MYH9: variants seen among roughly 807,000 people sequenced by gnomAD.
The protein encoded by MYH9 is myosin heavy chain 9, also known as myosin-9.
MYH9 carries 29 observed loss-of-function variants against 241.9 expected under a neutral mutation model. The observed-to-expected ratio is 0.12, with a 90% CI of 0.09 to 0.16. The LOEUF (loss-of-function observed/expected upper bound fraction) is 0.16, where lower values mean the gene tolerates loss of function less well. MYH9 is among the 10% of genes least tolerant of loss of function. The pLI, the probability that MYH9 is intolerant of heterozygous loss-of-function variation, is 1.00. For missense variants in MYH9, 1,803 were observed against 2,595.5 expected (o/e 0.69, Z 6.63); for synonymous variants, 1,047 against 1,062.6 (o/e 0.99, Z 0.29).
At chr22:36,340,787 G>A (rs1360751369) in intron 3 of MYH9, among the ~76,000 whole-genome samples, 2 of 152,164 alleles carry the variant, frequency 1.3e-5, no homozygotes, top group African/African-American at 4.8e-5. Flanking sequence ...GACCTCTGTT[G>A]GCCAGTCTGG....
intron 2 of MYH9, among the ~76,000 whole-genome samples, chr22:36,346,959 T>C (rs1010287652): frequency 6.6e-6 from 1 of 152,178 alleles, no homozygotes; most frequent in African/African-American, 2.4e-5. Flanking sequence ...TTTTGAGGAC[T>C]GTTTTATTCA....
intron 34 of MYH9, among the ~76,000 whole-genome samples, chr22:36,287,153 T>C (rs1284779518): frequency 1.3e-5 from 2 of 152,212 alleles, no homozygotes; most frequent in African/African-American, 4.8e-5. Context: ...AATGCGCACC[T>C]GCCACTCAAA....
At position 36,294,284 on chromosome 22, in the gene MYH9, G is replaced by C. The variant is rs377686629; in HGVS notation, c.3645C>G (p.Leu1215=). 2.5e-6 allele frequency: 4 copies of C among 1,613,896 alleles called. No individual in the cohort carries two copies. The highest frequency in any genetic ancestry group is 1.1e-5 in the South Asian group (1 of 91,090). Residue 1215 remains leucine (L), a synonymous_variant, in exon 28 of 41, where the codon CTC becomes CTG. Transcript: ENST00000216181. ...TCTCCAGAGTCTGCTTTGCCTTCTCGAGGTTTGCTTTCACCTAGCAGGGAA... is the reference window on the plus strand; with the variant it reads ...TCTCCAGAGTCTGCTTTGCCTTCTCCAGGTTTGCTTTCACCTAGCAGGGAA... ...LEQTKRVKAN[L]EKAKQTLENE...
intron 14 of MYH9, among the ~76,000 whole-genome samples, chr22:36,310,161 TA>T (rs1355086632): frequency 6.7e-6 from 1 of 149,446 alleles, no homozygotes; most frequent in Non-Finnish European, 1.5e-5. Flanking sequence ...TCTCAGCCCC[TA>T]GGGGGGCTGA....
intron 1 of MYH9, among the ~76,000 whole-genome samples, chr22:36,374,964 G>C (rs569032591): frequency 6.6e-6 from 1 of 152,234 alleles, no homozygotes; most frequent in Admixed American, 6.5e-5. Flanking sequence ...CCTCCTCCAG[G>C]AAGCCTTCTC....
intron 1 of MYH9, among the ~76,000 whole-genome samples, chr22:36,357,440 G>A (rs1331969932): frequency 1.3e-5 from 2 of 152,170 alleles, no homozygotes; most frequent in African/African-American, 4.8e-5. Flanking sequence ...GGGCTGTCCT[G>A]TGCCACGTGG....
chr22:36,293,385 C>T lies in MYH9; in HGVS notation c.4039G>A (p.Glu1347Lys), dbSNP rs765101192. The part of the protein sequence containing the change: ...EKNSFREQLE[E>K]EEEAKHNLEK... ...AGGTTGTGCTTGGCCTCCTCCTCCT[C>T]CTCCAGCTGCTCCCGGAAGGAATTC... The change falls in exon 30 of 41, where the codon GAG becomes AAG. Residue 1347 changes from glutamate to lysine, a missense_variant. Coordinates refer to ENST00000216181, the MANE Select transcript of MYH9 (RefSeq NM_002473.6). The surrounding 1 kb of genome is among the most constrained non-coding windows in gnomAD (Gnocchi z 5.1). 6.2e-7 allele frequency: 1 copy of T among 1,614,108 alleles called. No homozygotes were observed. Among genetic ancestry groups the T allele is most frequent in the Non-Finnish European group, 8.5e-7 (1 of 1,180,046 alleles).
chr22:36,349,622 C>T (rs1238848062), intron 1 of MYH9, among the ~76,000 whole-genome samples: 2 of 152,056 alleles, frequency 1.3e-5, no homozygotes, highest in East Asian at 1.9e-4. Flanking sequence ...CCTAGCTACT[C>T]GGGAGGCTGA....
At position 36,300,490 on chromosome 22, in the gene MYH9, A is replaced by C. The variant is rs2016859450; in HGVS notation, c.2839-226T>G. On this transcript the variant is annotated intron_variant, in intron 22 of 40. Transcript: ENST00000216181. The surrounding 1 kb of genome is among the most constrained non-coding windows in gnomAD (Gnocchi z 5.0). ...GATTCCAGATTTCAAACTGGGACAC[A>C]GGGCCAGAACATCGGTGCAATGTTC... 6.6e-6 allele frequency among the ~76,000 whole-genome samples: 1 copy of C among 152,238 alleles called. No individual in the cohort carries two copies. The highest frequency in any genetic ancestry group is 1.5e-5 in the Non-Finnish European group (1 of 68,040).
chr22:36,297,144 C>T (rs1347299596), intron 24 of MYH9, 130 bp from the exon 25 acceptor site: 8 of 1,020,700 alleles, frequency 7.8e-6, no homozygotes, highest in Non-Finnish European at 1.2e-5. Flanking sequence ...AACACACAGA[C>T]ACTCGCACCC....
Position 36,300,381 on chromosome 22 carries a change from G to GCCCACAGAC in MYH9, c.2839-118_2839-117insGTCTGTGGG. Reference sequence around the variant, plus strand: ...AAGGAGAAAATAGCAAGGTCTGTGAGCCCAGGGCCATGGCTGAGGTGGGGA... The same window carrying GCCCACAGAC: ...AAGGAGAAAATAGCAAGGTCTGTGAGCCCACAGACCCCAGGGCCATGGCTGAGGTGGGGA... On this transcript the variant is annotated intron_variant, in intron 22 of 40. Coordinates refer to ENST00000216181, the MANE Select transcript of MYH9 (RefSeq NM_002473.6). The surrounding 1 kb of genome is among the most constrained non-coding windows in gnomAD (Gnocchi z 5.0). The GCCCACAGAC allele has an allele frequency of 6.8e-7, 1 of 1,462,520 alleles. No homozygotes were observed. Among genetic ancestry groups the GCCCACAGAC allele is most frequent in the African/African-American group, 1.4e-5 (1 of 71,996 alleles). The allele number at this position is 1,462,520 out of a possible 1,614,324, so 90.6% of individuals were successfully genotyped here.
chr22:36,331,430 A>C (rs958152234), intron 3 of MYH9, among the ~76,000 whole-genome samples: 3 of 152,202 alleles, frequency 2.0e-5, no homozygotes, highest in Non-Finnish European at 2.9e-5. Context: ...CCATGCAGTG[A>C]GGGCATCTGA....
At chr22:36,374,463 T>C (rs1603484583) in intron 1 of MYH9, among the ~76,000 whole-genome samples, 1 of 152,194 alleles carries the variant, frequency 6.6e-6, no homozygotes, top group African/African-American at 2.4e-5. Context: ...GAGGTTGCAG[T>C]GAGCCAAGAT....
chr22:36,322,163 G>A (rs2017264392), intron 6 of MYH9, among the ~76,000 whole-genome samples: 1 of 152,262 alleles, frequency 6.6e-6, no homozygotes, highest in African/African-American at 2.4e-5. Context: ...GCACTCTGGG[G>A]CACAGCAGGC....
At chr22:36,349,365 T>A in intron 1 of MYH9, 110 bp from the exon 2 acceptor site, 1 of 803,748 alleles carries the variant, frequency 1.2e-6, no homozygotes. Context: ...TAAGACACAG[T>A]AAAACTCTAT....
chr22:36,364,596 C>A (rs976830425), intron 1 of MYH9, among the ~76,000 whole-genome samples: 1 of 152,194 alleles, frequency 6.6e-6, no homozygotes, highest in Non-Finnish European at 1.5e-5. Context: ...ACCCTCCGCC[C>A]CACCCCCTGC....
intron 3 of MYH9, 54 bp from the exon 4 acceptor site, chr22:36,327,542 C>G: frequency 1.2e-6 from 2 of 1,609,012 alleles, no homozygotes; most frequent in Non-Finnish European, 1.7e-6. Flanking sequence ...AGCCTCCCCA[C>G]CTTGCTCCCA....
chr22:36,374,091 CAG>C (rs1322594791), intron 1 of MYH9, among the ~76,000 whole-genome samples: 2 of 150,562 alleles, frequency 1.3e-5, no homozygotes, highest in Non-Finnish European at 3.0e-5. Context: ...ACTTTAAAAA[CAG>C]AAGAACTGGC....
At chr22:36,298,714 G>A (rs2016826884) in intron 24 of MYH9, among the ~76,000 whole-genome samples, 1 of 152,218 alleles carries the variant, frequency 6.6e-6, no homozygotes, top group Non-Finnish European at 1.5e-5. Flanking sequence ...GGGGCCTGGA[G>A]GCTCAGGTTC....
Sources: gnomAD v4.1 joint callset for allele counts (sites outside exome capture counted in the v4.1 genomes callset) on GRCh38, gnomAD v4.1.1 for gene constraint, Gnocchi (gnomAD v3.1) non-coding constraint, MANE v1.5 for transcripts, NCBI Gene and HGNC (gene_info 2026-07-23, HGNC 2026-07-21) for gene names.